The following ZMAT4 variants were observed in gnomAD, a reference collection of about 807,000 sequenced individuals.
ZMAT4 encodes zinc finger matrin-type 4, also known as zinc finger matrin-type protein 4.
Under a neutral mutation model 28.7 loss-of-function variants are expected in ZMAT4, and 17 were observed. The ratio of observed to expected loss-of-function variants is 0.59; its 90% CI spans 0.41 to 0.89. The LOEUF (loss-of-function observed/expected upper bound fraction) is 0.89. ZMAT4 is among the 40% of genes least tolerant of loss of function. The pLI is 0.00. For synonymous variants in ZMAT4, 117 were observed against 109.2 expected, an observed-to-expected ratio of 1.07 and a Z score of -0.44; for missense variants, 240 against 283.8, an observed-to-expected ratio of 0.85 and a Z score of 1.11.
At chr8:40,563,480 AG>A (rs914729726) in intron 6 of ZMAT4, among the ~76,000 whole-genome samples, 46 of 152,292 alleles carry the variant, frequency 3.0e-4, no homozygotes, top group African/African-American at 1.1e-3. Context: ...CTCAAGTATT[AG>A]GTCTCTAGCA....
chr8:40,760,985 T>C (rs907569233), intron 3 of ZMAT4, among the ~76,000 whole-genome samples: 12 of 151,444 alleles, frequency 7.9e-5, no homozygotes, highest in African/African-American at 2.9e-4. Flanking sequence ...CCCAAGAAAT[T>C]GCTAGTTCGG....
intron 5 of ZMAT4, among the ~76,000 whole-genome samples, chr8:40,649,183 T>A (rs1263066963): frequency 2.6e-5 from 4 of 151,886 alleles, no homozygotes; most frequent in Non-Finnish European, 5.9e-5. Flanking sequence ...GAAACCCAAC[T>A]CACGTGCAGA....
chr8:40,779,297 C>G (rs1813731908), intron 2 of ZMAT4, among the ~76,000 whole-genome samples: 1 of 152,090 alleles, frequency 6.6e-6, no homozygotes, highest in Non-Finnish European at 1.5e-5. Context: ...ACCTCTTTTT[C>G]TTTATAAATT....
chr8:40,687,681 G>A (rs1809475327), intron 4 of ZMAT4, among the ~76,000 whole-genome samples: 1 of 152,108 alleles, frequency 6.6e-6, no homozygotes, highest in South Asian at 2.1e-4. Flanking sequence ...TATCAAAAAG[G>A]ATGGACTAAA....
chr8:40,533,039 A>G (rs964177879), intron 6 of ZMAT4, among the ~76,000 whole-genome samples: 5 of 152,164 alleles, frequency 3.3e-5, no homozygotes, highest in African/African-American at 1.2e-4. Context: ...ATTTAATCAA[A>G]TTGAGAGCCA....
At chr8:40,787,296 C>T (rs369181586) in intron 2 of ZMAT4, among the ~76,000 whole-genome samples, 84 of 152,300 alleles carry the variant, frequency 5.5e-4, no homozygotes, top group African/African-American at 1.9e-3. Context: ...CCTGAAACTA[C>T]AGATAGTGCC....
At chr8:40,646,706 C>G (rs1351048032) in intron 5 of ZMAT4, among the ~76,000 whole-genome samples, 1 of 152,016 alleles carries the variant, frequency 6.6e-6, no homozygotes, top group African/African-American at 2.4e-5. Flanking sequence ...GTACATAAAG[C>G]AAAAGCTGAT....
intron 2 of ZMAT4, among the ~76,000 whole-genome samples, chr8:40,821,256 A>C (rs1226216616): frequency 6.6e-6 from 1 of 150,932 alleles, no homozygotes; most frequent in East Asian, 2.1e-4. Flanking sequence ...CAAACCACAC[A>C]AATGGCCTCC....
rs955520731 is a variant in ZMAT4, at chr8:40,896,361, AT to A, written c.-5+1321del. ...CTCCCCAGCTGCGGGTTTAACGGAA[AT>A]CAGAGGGATGAAAATCATCTAAACT... On this transcript the variant is annotated intron_variant, in intron 1 of 6. Transcript: ENST00000297737. Among the ~76,000 whole-genome samples, 4 of 152,274 alleles carry A rather than the reference AT, an allele frequency of 2.6e-5. 1 individual carries two copies. The highest frequency in any genetic ancestry group is 9.6e-5 in the African/African-American group (4 of 41,558).
intron 5 of ZMAT4, among the ~76,000 whole-genome samples, chr8:40,671,061 C>G (rs1808645753): frequency 8.8e-6 from 1 of 114,264 alleles, no homozygotes; most frequent in African/African-American, 3.2e-5. Flanking sequence ...AGCAAGACTC[C>G]ATCTCAAAAA....
chr8:40,865,711 C>A (rs1039499869), intron 1 of ZMAT4, among the ~76,000 whole-genome samples: 3 of 152,208 alleles, frequency 2.0e-5, no homozygotes, highest in African/African-American at 7.2e-5. Flanking sequence ...TGCAATCACA[C>A]AGCCTCAGTT....
chr8:40,736,155 C>A (rs1372524386), intron 3 of ZMAT4, among the ~76,000 whole-genome samples: 1 of 152,146 alleles, frequency 6.6e-6, no homozygotes, highest in Non-Finnish European at 1.5e-5. Context: ...CACCTTATCT[C>A]CTAGGAATCT....
intron 5 of ZMAT4, among the ~76,000 whole-genome samples, chr8:40,647,204 G>A (rs1470432916): frequency 6.6e-6 from 1 of 152,130 alleles, no homozygotes; most frequent in African/African-American, 2.4e-5. Flanking sequence ...GTGGGCGCAG[G>A]TCAGTGGGTG....
chr8:40,781,545 G>C (rs1358501871), intron 2 of ZMAT4, among the ~76,000 whole-genome samples: 1 of 151,422 alleles, frequency 6.6e-6, no homozygotes, highest in Non-Finnish European at 1.5e-5. Flanking sequence ...GGCGGATCAC[G>C]AGGTCAGGAG....
At chr8:40,614,670 C>T (rs1805931309) in intron 5 of ZMAT4, among the ~76,000 whole-genome samples, 1 of 152,126 alleles carries the variant, frequency 6.6e-6, no homozygotes, top group African/African-American at 2.4e-5. Flanking sequence ...CTCCCTTTAC[C>T]ATTATGTAAT....
chr8:40,709,266 T>C (rs1171153366), intron 3 of ZMAT4, among the ~76,000 whole-genome samples: 2 of 152,208 alleles, frequency 1.3e-5, no homozygotes, highest in Non-Finnish European at 2.9e-5. Flanking sequence ...ATTATTTTTA[T>C]TTCATTTTAT....
At chr8:40,544,812 G>A (rs1296011670) in intron 6 of ZMAT4, among the ~76,000 whole-genome samples, 1 of 152,146 alleles carries the variant, frequency 6.6e-6, no homozygotes, top group Non-Finnish European at 1.5e-5. Flanking sequence ...CATGAAAAAG[G>A]ATGACTCAGA....
intron 5 of ZMAT4, among the ~76,000 whole-genome samples, chr8:40,648,297 T>A (rs1418451484): frequency 4.6e-5 from 7 of 151,672 alleles, no homozygotes; most frequent in Non-Finnish European, 7.4e-5. Context: ...CAGGAGCCGA[T>A]GCGATCAACT....
At chr8:40,629,543 C>T (rs552338591) in intron 5 of ZMAT4, among the ~76,000 whole-genome samples, 4 of 150,874 alleles carry the variant, frequency 2.7e-5, no homozygotes, top group African/African-American at 4.9e-5. Context: ...TCTCCTAATG[C>T]TATCCCTCGC....
Sources: gnomAD v4.1 joint callset for allele counts (sites outside exome capture counted in the v4.1 genomes callset) on GRCh38, gnomAD v4.1.1 for gene constraint, MANE v1.5 for transcripts, NCBI Gene and HGNC (gene_info 2026-07-23, HGNC 2026-07-21) for gene names.